Variants in RBPJ observed in about 807,000 individuals in gnomAD.
The protein encoded by RBPJ is recombination signal binding protein for immunoglobulin kappa J region, also known as recombining binding protein suppressor of hairless.
RBPJ carries 9 observed loss-of-function variants against 67.8 expected under a neutral mutation model. That is an observed-to-expected ratio of 0.13 (90% CI 0.08 to 0.23). The LOEUF (loss-of-function observed/expected upper bound fraction) is 0.23. RBPJ is among the 10% of genes least tolerant of loss of function. The pLI is 1.00. For missense variants in RBPJ, 305 were observed against 595.6 expected, an observed-to-expected ratio of 0.51 and a Z score of 5.08; for synonymous variants, 198 against 203.3, an observed-to-expected ratio of 0.97 and a Z score of 0.22.
chr4:26,346,160 T>A (rs1454243937), intron 1 of RBPJ, among the ~76,000 whole-genome samples: 2 of 152,036 alleles, frequency 1.3e-5, no homozygotes. Flanking sequence ...TCCCAAAAAA[T>A]TTAGGACATG....
chr4:26,116,745 T>A, the RBPJ span, among the ~76,000 whole-genome samples: 1 of 152,240 alleles, frequency 6.6e-6, no homozygotes, highest in Admixed American at 6.5e-5. Flanking sequence ...CACTGCCACC[T>A]GTGGCTGCTG....
upstream of RBPJ, among the ~76,000 whole-genome samples, chr4:26,161,131 C>T (rs1258151179): frequency 6.6e-6 from 1 of 152,182 alleles, no homozygotes; most frequent in East Asian, 1.9e-4. Flanking sequence ...AAGCCTCGGC[C>T]TCAAGAGGCC....
At chr4:26,403,038 T>C (rs1453933921) in intron 2 of RBPJ, among the ~76,000 whole-genome samples, 6 of 152,210 alleles carry the variant, frequency 3.9e-5, no homozygotes, top group Non-Finnish European at 8.8e-5. Context: ...GTTTGTCTTG[T>C]CTTCTCTGCT....
At chr4:26,361,048 A>AGTGTGTGTGTGTGTGTGT (rs771047801) in intron 1 of RBPJ, among the ~76,000 whole-genome samples, 10 of 147,346 alleles carry the variant, frequency 6.8e-5, no homozygotes, top group East Asian at 2.0e-4. Context: ...TTCAGGAGTG[A>AGTGTGTGTGTGTGTGTGT]GTGTGTGTGC....
chr4:26,431,075 A>G lies in RBPJ; in HGVS notation c.*68A>G, dbSNP rs1736175616. 1 of 1,417,282 alleles carries G rather than the reference A, an allele frequency of 7.1e-7. No homozygotes were observed. Among genetic ancestry groups the G allele is most frequent in the Non-Finnish European group, 9.8e-7 (1 of 1,024,626 alleles). 87.8% of individuals were successfully genotyped at this position (1,417,282 alleles called of 1,614,324 possible). A position where few individuals can be genotyped will look rare whatever the true frequency, so the allele number is the denominator to read the frequency against. Reference sequence around the variant, plus strand: ...AAAAAGTTAACAAAAAAGGAGAAAAAATGAACAATCGTTTGTGGTTTCTTG... The same window carrying G: ...AAAAAGTTAACAAAAAAGGAGAAAAGATGAACAATCGTTTGTGGTTTCTTG... On this transcript the variant is annotated 3_prime_UTR_variant, in exon 11 of 11. Transcript: ENST00000355476.
At chr4:26,366,939 T>TA (rs1560298299) in intron 1 of RBPJ, among the ~76,000 whole-genome samples, 1 of 144,272 alleles carries the variant, frequency 6.9e-6, no homozygotes, top group Non-Finnish European at 1.5e-5. Flanking sequence ...GCCTGGCCAA[T>TA]ATGGTGAAAC....
At chr4:26,423,699 CAT>C (rs1735365619) in intron 5 of RBPJ, among the ~76,000 whole-genome samples, 1 of 152,196 alleles carries the variant, frequency 6.6e-6, no homozygotes, top group South Asian at 2.1e-4. Flanking sequence ...TGGCAGAGAA[CAT>C]ATTTCACTTT....
chr4:26,299,491 A>G (rs1262354729), intron 1 of RBPJ, among the ~76,000 whole-genome samples: 1 of 152,176 alleles, frequency 6.6e-6, no homozygotes, highest in African/African-American at 2.4e-5. Flanking sequence ...AATTTTGTGA[A>G]CTAATATAGC....
chr4:26,163,989 A>G (rs559321072), intron 1 of RBPJ, among the ~76,000 whole-genome samples: 1 of 152,362 alleles, frequency 6.6e-6, no homozygotes, highest in East Asian at 1.9e-4. Context: ...TTGCAGAGAA[A>G]CAAAAAGAAT....
At chr4:26,141,807 C>G in the RBPJ span, among the ~76,000 whole-genome samples, 2 of 152,192 alleles carry the variant, frequency 1.3e-5, no homozygotes, top group Non-Finnish European at 2.9e-5. Flanking sequence ...TCTCCTCCCC[C>G]TTTCCCTTCC....
At chr4:26,425,560 G>A (rs910904796) in intron 7 of RBPJ, among the ~76,000 whole-genome samples, 4 of 152,110 alleles carry the variant, frequency 2.6e-5, no homozygotes, top group East Asian at 1.9e-4. Context: ...AATGAGCGGT[G>A]ATCGTACCAC....
At chr4:26,167,191 C>T (rs200574795) in intron 1 of RBPJ, among the ~76,000 whole-genome samples, 54 of 149,720 alleles carry the variant, frequency 3.6e-4, no homozygotes, top group African/African-American at 1.1e-3. Flanking sequence ...ATTGACTTGG[C>T]GATGCAGGCT....
chr4:26,170,492 C>T (rs1181325661), intron 1 of RBPJ, among the ~76,000 whole-genome samples: 1 of 151,394 alleles, frequency 6.6e-6, no homozygotes, highest in African/African-American at 2.4e-5. Context: ...CTGCAGTGAG[C>T]CTTGCAGTGC....
At chr4:26,295,121 C>T (rs2109292872) in intron 1 of RBPJ, among the ~76,000 whole-genome samples, 1 of 152,210 alleles carries the variant, frequency 6.6e-6, no homozygotes, top group South Asian at 2.1e-4. Context: ...AACATTTCAG[C>T]AGGGAAATGA....
Position 26,380,030 on chromosome 4 carries a change from T to A in RBPJ, c.21-6323T>A, listed in dbSNP as rs548383608. ...GCAGCATTGCCATTAAATGTGGTTT[T>A]TAAGGTAAGAGCAGGTTCGAAACTA... On this transcript the variant is annotated intron_variant, in intron 1 of 10. Coordinates refer to ENST00000355476, the MANE Select transcript of RBPJ (RefSeq NM_015874.6). Among the ~76,000 whole-genome samples, 22 of 152,296 alleles carry A rather than the reference T, an allele frequency of 1.4e-4. No homozygotes were observed. In the South Asian group the frequency reaches 1.7e-3, roughly 11 times the overall value.
chr4:26,300,736 T>G (rs1722047622), intron 1 of RBPJ, among the ~76,000 whole-genome samples: 1 of 152,224 alleles, frequency 6.6e-6, no homozygotes, highest in African/African-American at 2.4e-5. Context: ...GGCCTTGACC[T>G]GTCTCTCCAG....
intron 1 of RBPJ, among the ~76,000 whole-genome samples, chr4:26,305,017 A>T (rs1231859149): frequency 6.6e-6 from 1 of 152,104 alleles, no homozygotes; most frequent in African/African-American, 2.4e-5. Flanking sequence ...ATTTTTTAAT[A>T]TGTTGTGAAT....
At chr4:26,123,602 C>T in the RBPJ span, among the ~76,000 whole-genome samples, 1 of 152,046 alleles carries the variant, frequency 6.6e-6, no homozygotes, top group Admixed American at 6.6e-5. Flanking sequence ...AACTTTTTGA[C>T]TCATAATAAC....
At chr4:26,252,814 T>G (rs1720158022) in intron 1 of RBPJ, among the ~76,000 whole-genome samples, 1 of 152,154 alleles carries the variant, frequency 6.6e-6, no homozygotes, top group Non-Finnish European at 1.5e-5. Context: ...TCGAGTTGAA[T>G]GCATTTATAA....
Sources: allele counts gnomAD v4.1 joint callset (sites outside exome capture counted in the v4.1 genomes callset), GRCh38; gene constraint gnomAD v4.1.1; transcripts MANE v1.5; gene names NCBI Gene and HGNC (gene_info 2026-07-23, HGNC 2026-07-21).